Variants in TRPM7 observed in about 807,000 individuals in gnomAD.
TRPM7 encodes transient receptor potential cation channel subfamily M member 7.
A neutral mutation model predicts 229.7 loss-of-function variants in TRPM7; 134 were observed. The observed-to-expected ratio is 0.58, with a 90% CI of 0.51 to 0.67. TRPM7 has a LOEUF of 0.67. Ranked by LOEUF, TRPM7 falls within the 30% of genes least tolerant of loss-of-function variation. The pLI, the probability that TRPM7 is intolerant of heterozygous loss-of-function variation, is 0.00. For synonymous variants in TRPM7, 699 were observed against 715.2 expected (o/e 0.98, Z 0.36); for missense variants, 1,901 against 2,210.0 (o/e 0.86, Z 2.80).
At chr15:50,639,682 T>C (rs758835667) in intron 5 of TRPM7, 134 bp from the exon 6 acceptor site, 19 of 672,036 alleles carry the variant, frequency 2.8e-5, no homozygotes, top group Non-Finnish European at 3.9e-5. Context: ...TCCTCCCTTG[T>C]GAGCCTCCCC....
At chr15:50,610,235 T>C (rs926878046) in intron 17 of TRPM7, among the ~76,000 whole-genome samples, 8 of 152,116 alleles carry the variant, frequency 5.3e-5, no homozygotes, top group African/African-American at 1.9e-4. Context: ...TATTATAGAC[T>C]TGTCCTTTAA....
rs1348137199 is a variant in TRPM7, at chr15:50,560,175, TACAGG to T, written c.*1498_*1502del. ...GAAATCAGTATTAATTTAAACATTG[TACAGG>T]ACAGGAGATCAAAAGCACAGGTATA... On this transcript the variant is annotated 3_prime_UTR_variant, in exon 39 of 39. Coordinates refer to ENST00000646667, the MANE Select transcript of TRPM7 (RefSeq NM_017672.6). 6 of 152,388 alleles carry T rather than the reference TACAGG, an allele frequency of 3.9e-5. No homozygotes were observed. The South Asian group carries it at 8.3e-4, about 21-fold the overall frequency. 9.4% of individuals were successfully genotyped at this position (152,388 alleles called of 1,614,324 possible).
intron 21 of TRPM7, among the ~76,000 whole-genome samples, chr15:50,602,689 G>A (rs1487182441): frequency 1.3e-5 from 2 of 152,094 alleles, no homozygotes; most frequent in South Asian, 2.1e-4. Context: ...CATCTTTGTA[G>A]CCCCAGCTTA....
intron 1 of TRPM7, among the ~76,000 whole-genome samples, chr15:50,676,976 A>C (rs1596349819): frequency 6.6e-6 from 1 of 152,316 alleles, no homozygotes; most frequent in East Asian, 1.9e-4. Flanking sequence ...CCTGCTGCCC[A>C]TTGTAGGAGA....
chr15:50,580,282 G>A (rs1431757161), intron 30 of TRPM7, among the ~76,000 whole-genome samples: 1 of 152,034 alleles, frequency 6.6e-6, no homozygotes, highest in East Asian at 1.9e-4. Context: ...GAAACACAGA[G>A]ATTATCTTAG....
intron 21 of TRPM7, among the ~76,000 whole-genome samples, chr15:50,603,315 T>A (rs74689905): frequency 6.3e-5 from 5 of 79,870 alleles, no homozygotes; most frequent in Non-Finnish European, 2.2e-4. Context: ...AGAAGACTGA[T>A]TTTTTTTTTT....
At position 50,628,242 on chromosome 15, in the gene TRPM7, A is replaced by G. The variant is rs751362713; in HGVS notation, c.1212T>C (p.Asn404=). The G allele has an allele frequency of 1.2e-6, 2 of 1,607,280 alleles. No homozygotes were observed. The highest frequency in any genetic ancestry group is 8.5e-7 in the Non-Finnish European group (1 of 1,175,586). The change falls in exon 11 of 39, where the codon AAT becomes AAC. Residue 404 remains asparagine (N), a synonymous_variant. Coordinates refer to ENST00000646667, the MANE Select transcript of TRPM7 (RefSeq NM_017672.6). ...GGATAAGCTGGTCAAATGCAGATGC[A>G]TTAGTACCTAATCGAATAAAGAAAA... is the stretch of plus-strand genomic sequence containing the variant. The part of the protein sequence containing the change: ...AILTALLKGT[N]ASAFDQLILT...
chr15:50,591,486 A>ATT (rs200361880), intron 26 of TRPM7, among the ~76,000 whole-genome samples: 4,209 of 143,610 alleles, frequency 0.029, 207 homozygotes, highest in African/African-American at 0.1. Context: ...CCTACTTCTG[A>ATT]TTTTTTTTTT....
At chr15:50,613,955 T>C in intron 14 of TRPM7, 114 bp from the exon 15 acceptor site, 11 of 1,388,224 alleles carry the variant, frequency 7.9e-6, no homozygotes, top group East Asian at 2.3e-5. Context: ...ACACAAAATA[T>C]GACTGATTTA....
intron 4 of TRPM7, 124 bp downstream of exon 4, chr15:50,648,563 T>G: frequency 1.3e-6 from 1 of 751,306 alleles, no homozygotes. Context: ...TGTATGCACC[T>G]TTGTACTTTA....
At chr15:50,599,385 A>C (rs776841708) in intron 21 of TRPM7, 89 bp from the exon 22 acceptor site, 44 of 905,972 alleles carry the variant, frequency 4.9e-5, no homozygotes, top group Non-Finnish European at 6.8e-5. Flanking sequence ...TAATAGACCA[A>C]AAAAATCCAT....
chr15:50,608,887 T>C (rs1057002416), intron 19 of TRPM7, among the ~76,000 whole-genome samples: 1 of 152,238 alleles, frequency 6.6e-6, no homozygotes. Context: ...GGTTGGTCCA[T>C]TGCTAGGGAA....
Position 50,592,553 on chromosome 15 carries a change from A to G in TRPM7, c.3682T>C (p.Leu1228=). ...VNYIKRSLQS[L]DSQIGHLQDL... is the part of the protein sequence containing the mutation. The stretch of plus-strand genomic sequence containing the variant: ...TGCAAATGGCCAATTTGAGAATCTA[A>G]TGATTGTAATGATCTTTTTATGTAG... The change falls in exon 26 of 39, where the codon TTA becomes CTA. Residue 1228 remains leucine, a synonymous_variant. Coordinates refer to ENST00000646667, the MANE Select transcript of TRPM7 (RefSeq NM_017672.6). 1 of 1,611,750 alleles carries G rather than the reference A, an allele frequency of 6.2e-7. No individual in the cohort carries two copies. Among genetic ancestry groups the G allele is most frequent in the Non-Finnish European group, 8.5e-7 (1 of 1,179,992 alleles).
At chr15:50,647,885 T>G (rs534816263) in intron 4 of TRPM7, among the ~76,000 whole-genome samples, 56 of 152,362 alleles carry the variant, frequency 3.7e-4, no homozygotes, top group Non-Finnish European at 7.6e-4. Flanking sequence ...TTTATTTACC[T>G]GTCATTATTC....
chr15:50,571,649 GA>G (rs1436215037), intron 36 of TRPM7, among the ~76,000 whole-genome samples: 2 of 152,002 alleles, frequency 1.3e-5, no homozygotes, highest in Non-Finnish European at 2.9e-5. Context: ...AAAAAAGAGG[GA>G]AAAAAGTCTC....
At chr15:50,674,976 G>A (rs930259037) in intron 1 of TRPM7, among the ~76,000 whole-genome samples, 1 of 152,066 alleles carries the variant, frequency 6.6e-6, no homozygotes, top group Admixed American at 6.6e-5. Context: ...CTTAAATTGT[G>A]TCACTCCCAT....
At chr15:50,683,922 G>A (rs1320027118) in intron 1 of TRPM7, among the ~76,000 whole-genome samples, 2 of 151,042 alleles carry the variant, frequency 1.3e-5, no homozygotes, top group African/African-American at 4.9e-5. Context: ...AGTGAATGGC[G>A]CAATCTTGGC....
chr15:50,665,128 G>T (rs1251301935), intron 1 of TRPM7, among the ~76,000 whole-genome samples: 2 of 152,038 alleles, frequency 1.3e-5, no homozygotes, highest in African/African-American at 4.8e-5. Context: ...CATGGGTCAG[G>T]CCCAGTGGCT....
At chr15:50,621,758 C>T (rs1276993168) in intron 12 of TRPM7, among the ~76,000 whole-genome samples, 2 of 152,104 alleles carry the variant, frequency 1.3e-5, no homozygotes, top group African/African-American at 2.4e-5. Flanking sequence ...AGGCTGGGTG[C>T]GGTGGCTCAT....
Sources: gnomAD v4.1 joint callset for allele counts (sites outside exome capture counted in the v4.1 genomes callset) on GRCh38, gnomAD v4.1.1 for gene constraint, MANE v1.5 for transcripts, NCBI Gene and HGNC (gene_info 2026-07-23, HGNC 2026-07-21) for gene names.